The following NCLN variants were observed in gnomAD, a reference collection of about 807,000 sequenced individuals.
The protein encoded by NCLN is BOS complex subunit NCLN.
NCLN carries 34 observed loss-of-function variants against 69.5 expected under a neutral mutation model. The observed-to-expected ratio is 0.49, with a 90% CI of 0.37 to 0.65. The LOEUF (loss-of-function observed/expected upper bound fraction) is 0.65, where lower values mean the gene tolerates loss of function less well. NCLN is among the 30% of genes least tolerant of loss of function. The pLI is 0.00. For synonymous variants in NCLN, 393 were observed against 358.3 expected (o/e 1.10, Z -1.09); for missense variants, 710 against 804.8 (o/e 0.88, Z 1.42).
Position 3,207,709 on chromosome 19 carries a change from G to A in NCLN, c.*21G>A, listed in dbSNP as rs569568180. The A allele has an allele frequency of 6.2e-7, 1 of 1,600,344 alleles. No homozygotes were observed. Among genetic ancestry groups the A allele is most frequent in the East Asian group, 2.2e-5 (1 of 44,790 alleles). On this transcript the variant is annotated 3_prime_UTR_variant, in exon 15 of 15. Coordinates refer to ENST00000246117, the MANE Select transcript of NCLN (RefSeq NM_020170.4). Reference sequence around the variant, plus strand: ...AGTGACACAGCCACCCCCACAGCCGGAGCCCCCGCCGCTCCACAGTCCCTG... The same window carrying A: ...AGTGACACAGCCACCCCCACAGCCGAAGCCCCCGCCGCTCCACAGTCCCTG...
At chr19:3,189,930 A>G (rs1915769711) in intron 1 of NCLN, among the ~76,000 whole-genome samples, 1 of 152,194 alleles carries the variant, frequency 6.6e-6, no homozygotes, top group Admixed American at 6.5e-5. Context: ...CGTGGCCTTC[A>G]GGGAGCTCTG....
intron 1 of NCLN, among the ~76,000 whole-genome samples, chr19:3,191,341 G>A (rs1915820306): frequency 1.3e-5 from 2 of 152,176 alleles, no homozygotes; most frequent in African/African-American, 4.8e-5. Flanking sequence ...CGCCACCGCA[G>A]AAGTGAATAA....
At chr19:3,207,065 C>A (rs1916288967) in intron 12 of NCLN, 133 bp from the exon 13 acceptor site, 1 of 991,532 alleles carries the variant, frequency 1.0e-6, no homozygotes, top group African/African-American at 1.6e-5. Context: ...TTCAAGTGAT[C>A]CGCCTGCCTC....
chr19:3,194,369 G>C (rs557689223), intron 3 of NCLN, among the ~76,000 whole-genome samples: 31 of 152,162 alleles, frequency 2.0e-4, no homozygotes, highest in African/African-American at 7.2e-4. Flanking sequence ...GGCAACAAGA[G>C]CAAATGTCCA....
At position 3,208,568 on chromosome 19, in the gene NCLN, G is replaced by A. The variant is rs557973272; in HGVS notation, c.*880G>A. The A allele has an allele frequency of 1.3e-5, 2 of 152,568 alleles. No individual in the cohort carries two copies. Among genetic ancestry groups the A allele is most frequent in the South Asian group, 2.1e-4 (1 of 4,842 alleles). The allele number at this position is 152,568 out of a possible 1,614,324, so 9.5% of individuals were successfully genotyped here. On this transcript the variant is annotated 3_prime_UTR_variant, in exon 15 of 15. Transcript: ENST00000246117. ...CTGAGCCAGTGCCTGGTGTTTCCTG[G>A]GCTCGGTACTGGGCCCCCAGGCCAT...
intron 5 of NCLN, among the ~76,000 whole-genome samples, chr19:3,200,102 C>G (rs1463242880): frequency 1.3e-5 from 2 of 152,000 alleles, no homozygotes; most frequent in Non-Finnish European, 2.9e-5. Flanking sequence ...GGCCAGGCCC[C>G]CAGCCTTGAG....
At chr19:3,194,716 T>TA (rs1915912948) in intron 3 of NCLN, among the ~76,000 whole-genome samples, 2 of 151,596 alleles carry the variant, frequency 1.3e-5, no homozygotes, top group Admixed American at 1.3e-4. Flanking sequence ...AGTATCCTGT[T>TA]AGAGAAGAAG....
intron 1 of NCLN, among the ~76,000 whole-genome samples, chr19:3,192,137 G>A (rs1234179253): frequency 6.6e-6 from 1 of 152,196 alleles, no homozygotes; most frequent in Non-Finnish European, 1.5e-5. Context: ...GCAGTGAGCC[G>A]AGATTGTGCT....
rs557337603 is a variant in NCLN at position 3,192,874 on chromosome 19, G to A, written c.375+214G>A. Among the ~76,000 whole-genome samples the A allele has an allele frequency of 3.6e-4, 55 of 152,310 alleles. No homozygotes were observed. In the South Asian group the frequency reaches 0.011, roughly 29 times the overall value. On this transcript the variant is annotated intron_variant, in intron 2 of 14. Coordinates refer to ENST00000246117, the MANE Select transcript of NCLN (RefSeq NM_020170.4). ...GTGTTCAGGGAGGGCCGCTCCGGGC[G>A]TGGAGTGGATGGAGGCCAGGGATAC...
At position 3,209,110 on chromosome 19, in the gene NCLN, C is replaced by T. The variant is rs1221635949; in HGVS notation, c.*1422C>T. 1 of 152,310 alleles carries T rather than the reference C, an allele frequency of 6.6e-6. No individual in the cohort carries two copies. The highest frequency in any genetic ancestry group is 2.4e-5 in the African/African-American group (1 of 41,464). The allele number at this position is 152,310 out of a possible 1,614,324, so 9.4% of individuals were successfully genotyped here. On this transcript the variant is annotated 3_prime_UTR_variant, in exon 15 of 15. Transcript: ENST00000246117. ...AGGACCTGGGCCGGCCCATGGGAGC[C>T]TGGGGTTCTGTCCAGATAGGACCAG...
At position 3,204,629 on chromosome 19, in the gene NCLN, C is replaced by G; in HGVS notation, c.1086C>G (p.Asn362Lys). 6.2e-7 allele frequency: 1 copy of G among 1,605,998 alleles called. No homozygotes were observed. The highest frequency in any genetic ancestry group is 8.5e-7 in the Non-Finnish European group (1 of 1,176,590). ...TCTCCATGGTGCACAAGCGGATCAACCTGGCGGAGGACGTGCTGGCCTGGG... is the reference window on the plus strand; with the variant it reads ...TCTCCATGGTGCACAAGCGGATCAAGCTGGCGGAGGACGTGCTGGCCTGGG... ...VRFSMVHKRI[N>K]LAEDVLAWEH... Residue 362 changes from asparagine to lysine, a missense_variant, in exon 9 of 15, where the codon AAC becomes AAG. Transcript: ENST00000246117.
At chr19:3,194,405 A>T (rs2144901818) in intron 3 of NCLN, among the ~76,000 whole-genome samples, 1 of 152,276 alleles carries the variant, frequency 6.6e-6, no homozygotes, top group Non-Finnish European at 1.5e-5. Context: ...GTTTCATCCT[A>T]CACAGCCAGA....
At chr19:3,192,086 G>C (rs1915840243) in intron 1 of NCLN, among the ~76,000 whole-genome samples, 1 of 152,196 alleles carries the variant, frequency 6.6e-6, no homozygotes, top group Non-Finnish European at 1.5e-5. Flanking sequence ...TACTCGGGAG[G>C]CTGCGGCAGG....
intron 1 of NCLN, among the ~76,000 whole-genome samples, chr19:3,187,040 C>T (rs1159691795): frequency 4.0e-5 from 6 of 151,800 alleles, no homozygotes; most frequent in African/African-American, 1.2e-4. Context: ...TTCCCTTTGA[C>T]CCCCTTTCTG....
At chr19:3,199,875 T>A (rs936685311) in intron 5 of NCLN, among the ~76,000 whole-genome samples, 2 of 151,674 alleles carry the variant, frequency 1.3e-5, no homozygotes, top group African/African-American at 2.4e-5. Context: ...TAATTTTTTT[T>A]ATTTTTAGTA....
intron 1 of NCLN, among the ~76,000 whole-genome samples, chr19:3,188,329 C>T (rs1253973024): frequency 6.6e-6 from 1 of 152,148 alleles, no homozygotes; most frequent in Non-Finnish European, 1.5e-5. Context: ...GATGTGGGCC[C>T]CCTTTCTCTC....
intron 1 of NCLN, among the ~76,000 whole-genome samples, chr19:3,189,923 G>A (rs981564265): frequency 6.6e-6 from 1 of 152,216 alleles, no homozygotes; most frequent in African/African-American, 2.4e-5. Flanking sequence ...GGGAGGCCGT[G>A]GCCTTCAGGG....
At chr19:3,201,976 C>A (rs1414788919) in intron 6 of NCLN, among the ~76,000 whole-genome samples, 1 of 152,156 alleles carries the variant, frequency 6.6e-6, no homozygotes, top group Non-Finnish European at 1.5e-5. Context: ...GTCCTGGGCA[C>A]TGCAGGGCGC....
intron 1 of NCLN, 103 bp downstream of exon 1, chr19:3,186,317 C>T: frequency 7.8e-7 from 1 of 1,277,874 alleles, no homozygotes; most frequent in East Asian, 3.1e-5. Flanking sequence ...CTGGGCTGCC[C>T]GACCCATGCT....
Sources: allele counts gnomAD v4.1 joint callset (sites outside exome capture counted in the v4.1 genomes callset), GRCh38; gene constraint gnomAD v4.1.1; transcripts MANE v1.5; gene names NCBI Gene and HGNC (gene_info 2026-07-23, HGNC 2026-07-21).